The following CDCP2 variants were observed in gnomAD, a reference collection of about 807,000 sequenced individuals.
The protein encoded by CDCP2 is CUB domain-containing protein 2.
CDCP2 carries 31 observed loss-of-function variants against 31.0 expected under a neutral mutation model. The ratio of observed to expected loss-of-function variants is 1.00; its 90% confidence interval spans 0.75 to 1.35. The LOEUF is 1.35. Among genes scored for constraint, CDCP2 ranks in the 40% most tolerant of loss-of-function variants. CDCP2 has a pLI of 0.00. For missense variants in CDCP2, 443 were observed against 482.6 expected (o/e 0.92, Z 0.77); for synonymous variants, 206 against 207.9 (o/e 0.99, Z 0.08).
chr1:54,151,415 C>A (rs1659581893), intron 1 of CDCP2, among the ~76,000 whole-genome samples: 1 of 152,204 alleles, frequency 6.6e-6, no homozygotes, highest in African/African-American at 2.4e-5. Flanking sequence ...CTTCTCCCAG[C>A]CCTACCCACA....
intron 4 of CDCP2, chr1:54,137,865 A>C (rs540049373): frequency 6.6e-6 from 1 of 151,736 alleles, no homozygotes; most frequent in South Asian, 2.1e-4. Context: ...TCGGGGATTT[A>C]TGGGCCAGCC....
intron 1 of CDCP2, among the ~76,000 whole-genome samples, chr1:54,147,662 C>T (rs561412503): frequency 9.2e-5 from 14 of 151,704 alleles, no homozygotes; most frequent in African/African-American, 1.7e-4. Context: ...CCACCGTGCC[C>T]GGCCGGGAAA....
intron 1 of CDCP2, among the ~76,000 whole-genome samples, chr1:54,148,715 G>T (rs1570071429): frequency 6.6e-6 from 1 of 151,224 alleles, no homozygotes; most frequent in African/African-American, 2.4e-5. Flanking sequence ...ATAAAGGGGG[G>T]AAGGAGGCAC....
intron 5 of CDCP2, among the ~76,000 whole-genome samples, chr1:54,133,813 A>G (rs980391011): frequency 5.7e-4 from 87 of 151,786 alleles, no homozygotes; most frequent in East Asian, 1.4e-3. Context: ...CGAGAATGGC[A>G]TGAACCCGGG....
chr1:54,134,289 G>A (rs574922488), intron 5 of CDCP2, among the ~76,000 whole-genome samples: 8 of 152,310 alleles, frequency 5.3e-5, no homozygotes, highest in South Asian at 2.1e-4. Context: ...GTATCCTGCC[G>A]TTGAGCCCCT....
At chr1:54,139,951 G>A (rs761437920) in exon 4 of CDCP2, 1 of 1,614,188 alleles carries the variant, frequency 6.2e-7, no homozygotes, top group South Asian at 1.1e-5. Context: ...AGGCTGTTGG[G>A]CTCCTCCAGG....
At chr1:54,145,662 A>C (rs577970425) in intron 1 of CDCP2, among the ~76,000 whole-genome samples, 2 of 152,308 alleles carry the variant, frequency 1.3e-5, no homozygotes, top group Admixed American at 6.5e-5. Flanking sequence ...ACGATGTTAA[A>C]AGTACATTTT....
intron 1 of CDCP2, among the ~76,000 whole-genome samples, chr1:54,148,407 GA>G (rs5774176): frequency 0.75 from 107,538 of 142,902 alleles, 40,667 homozygotes; most frequent in East Asian, 0.94. Flanking sequence ...ATTTGACAGT[GA>G]AAAAAAAAAA....
chr1:54,135,191 G>A (rs1308433452), intron 5 of CDCP2, among the ~76,000 whole-genome samples: 1 of 151,628 alleles, frequency 6.6e-6, no homozygotes, highest in South Asian at 2.1e-4. Flanking sequence ...GAATGGGGGT[G>A]GGGGGAAGCT....
intron 1 of CDCP2, among the ~76,000 whole-genome samples, chr1:54,151,174 C>G (rs990661006): frequency 1.3e-5 from 2 of 152,140 alleles, no homozygotes; most frequent in Non-Finnish European, 2.9e-5. Context: ...TAGACAAAGG[C>G]CCAGACGCAC....
intron 1 of CDCP2, among the ~76,000 whole-genome samples, chr1:54,151,346 A>C (rs925176202): frequency 6.6e-6 from 1 of 152,170 alleles, no homozygotes; most frequent in Non-Finnish European, 1.5e-5. Context: ...AATGGCATCT[A>C]ATTCATGCCT....
At chr1:54,140,827 C>T (rs1030951096) in intron 3 of CDCP2, 8 of 342,426 alleles carry the variant, frequency 2.3e-5, no homozygotes, top group East Asian at 4.5e-5. Context: ...GCAAACCACA[C>T]ACAGAAGTGA....
chr1:54,151,445 A>C (rs957637584), intron 1 of CDCP2, among the ~76,000 whole-genome samples: 6 of 152,214 alleles, frequency 3.9e-5, no homozygotes, highest in African/African-American at 1.4e-4. Context: ...AAGGCGCCAG[A>C]GCATCAGAGT....
At chr1:54,138,084 G>A (rs967324787) in intron 4 of CDCP2, 9 of 152,428 alleles carry the variant, frequency 5.9e-5, no homozygotes, top group African/African-American at 1.9e-4. Context: ...CTGCCCCGAA[G>A]CCCCTGGAAC....
chr1:54,135,121 G>A (rs927121476), intron 5 of CDCP2, among the ~76,000 whole-genome samples: 40 of 151,758 alleles, frequency 2.6e-4, no homozygotes, highest in Non-Finnish European at 2.5e-4. Context: ...GAGAGTGGAA[G>A]GGGACCCAGT....
At chr1:54,133,922 C>CAAAAAAACAAAAAAAAA (rs58882302) in intron 5 of CDCP2, among the ~76,000 whole-genome samples, 17 of 148,682 alleles carry the variant, frequency 1.1e-4, no homozygotes, top group East Asian at 8.1e-4. Context: ...ACAAAAAAAA[C>CAAAAAAACAAAAAAAAA]CCCATGTTAC....
intron 1 of CDCP2, among the ~76,000 whole-genome samples, chr1:54,150,320 C>T (rs377300319): frequency 6.6e-6 from 1 of 152,128 alleles, no homozygotes; most frequent in African/African-American, 2.4e-5. Context: ...AACGGCCAGG[C>T]GTGGTGGTTC....
chr1:54,139,623 A>T, intron 4 of CDCP2, 130 bp downstream of exon 4: 1 of 1,590,570 alleles, frequency 6.3e-7, no homozygotes, highest in African/African-American at 1.4e-5. Context: ...CCAATGGAGA[A>T]GGAGCTGGAG....
intron 4 of CDCP2, 101 bp downstream of exon 4, chr1:54,139,652 G>A (rs979446638): frequency 1.9e-6 from 3 of 1,613,314 alleles, no homozygotes; most frequent in Admixed American, 3.3e-5. Context: ...TCATGGGGGG[G>A]GCAGGACAAA....
Sources: allele counts gnomAD v4.1 joint callset (sites outside exome capture counted in the v4.1 genomes callset), GRCh38; gene constraint gnomAD v4.1.1; transcripts MANE v1.5; gene names NCBI Gene and HGNC (gene_info 2026-07-23, HGNC 2026-07-21).